Variants in RRAGB observed in about 807,000 individuals in gnomAD.
RRAGB encodes Ras related GTP binding B.
Under a neutral mutation model 29.3 loss-of-function variants are expected in RRAGB, and 6 were observed. That is an observed-to-expected ratio of 0.21 (90% CI 0.11 to 0.40). The LOEUF (loss-of-function observed/expected upper bound fraction) is 0.40, where lower values mean the gene tolerates loss of function less well. Ranked by LOEUF, RRAGB falls within the 10% of genes least tolerant of loss-of-function variation. RRAGB has a pLI of 1.00. For missense variants in RRAGB, 184 were observed against 272.9 expected (o/e 0.67, Z 2.29); for synonymous variants, 101 against 92.5 (o/e 1.09, Z -0.53).
intron 3 of RRAGB, among the ~76,000 whole-genome samples, chrX:55,722,596 CTT>C (rs1412781962): frequency 9.0e-6 from 1 of 111,606 alleles, no homozygotes. Context: ...GTTTTTAACT[CTT>C]ATACAAAGGG....
At position 55,728,827 on chromosome X, in the gene RRAGB, G is replaced by T. The variant is rs141713802; in HGVS notation, c.227-467G>T. 8.6e-3 allele frequency among the ~76,000 whole-genome samples: 937 copies of T among 109,087 alleles called. 12 individuals carry two copies. The highest frequency in any genetic ancestry group is 0.014 in the Non-Finnish European group (702 of 51,358). 94.7% of individuals were successfully genotyped at this position (109,087 alleles called of 115,157 possible). A position where few individuals can be genotyped will look rare whatever the true frequency, so the allele number is the denominator to read the frequency against. On this transcript the variant is annotated intron_variant, in intron 3 of 9. Transcript: ENST00000374941. ...AGCAATGTATTGAATGTGGATAGAG[G>T]AGTCAAAAGTGGGAAAAAGTTAGGG...
In RRAGB at chrX:55,731,428, G is replaced by T. The variant is rs2147085368; in HGVS notation, c.358G>T (p.Val120Phe). 1 of 1,208,966 alleles carries T rather than the reference G, an allele frequency of 8.3e-7. No homozygotes were observed. Among genetic ancestry groups the T allele is most frequent in the South Asian group, 1.8e-5 (1 of 56,651 alleles). The change falls in exon 5 of 10, where the codon GTT becomes TTT. Residue 120 changes from valine to phenylalanine, a missense_variant. Coordinates refer to ENST00000374941, the MANE Select transcript of RRAGB (RefSeq NM_006064.5). ...QRDNIFRNVE[V>F]LIYVFDVESR... ...GGACAACATCTTCCGAAATGTGGAG[G>T]TTCTGATTTATGTCTTTGATGTGGA...
intron 5 of RRAGB, among the ~76,000 whole-genome samples, chrX:55,734,348 G>T (rs2033799000): frequency 9.2e-6 from 1 of 108,878 alleles, no homozygotes; most frequent in Admixed American, 9.8e-5. Flanking sequence ...CCTGATTGAA[G>T]CTTGTGTGGT....
Position 55,727,713 on chromosome X carries a change from G to T in RRAGB, c.227-1581G>T, listed in dbSNP as rs191189298. On this transcript the variant is annotated intron_variant, in intron 3 of 9. Coordinates refer to ENST00000374941, the MANE Select transcript of RRAGB (RefSeq NM_006064.5). ...ATGTAGTTTATAAGAAGATAAAATT[G>T]CACAAAAGTTAGATAGCAGTCAATT... 2.1e-3 allele frequency among the ~76,000 whole-genome samples: 230 copies of T among 111,914 alleles called. 1 individual carries two copies. Among genetic ancestry groups the T allele is most frequent in the Non-Finnish European group, 3.8e-3 (202 of 53,209 alleles).
intron 4 of RRAGB, among the ~76,000 whole-genome samples, chrX:55,730,373 A>C (rs893053068): frequency 6.2e-5 from 7 of 112,396 alleles, no homozygotes; most frequent in Non-Finnish European, 1.3e-4. Flanking sequence ...ATTAGTCCCA[A>C]GTCCCTTGCT....
chrX:55,720,012 G>T (rs2033207456), intron 2 of RRAGB, among the ~76,000 whole-genome samples: 1 of 112,341 alleles, frequency 8.9e-6, no homozygotes, highest in South Asian at 3.7e-4. Context: ...AGAACACTTA[G>T]ATCAGTACCT....
At position 55,731,393 on chromosome X, in the gene RRAGB, C is replaced by G. The variant is rs1214603026; in HGVS notation, c.323C>G (p.Thr108Ser). Residue 108 changes from threonine to serine, a missense_variant, in exon 5 of 10, where the codon ACT (threonine) becomes AGT (serine). Coordinates refer to ENST00000374941, the MANE Select transcript of RRAGB (RefSeq NM_006064.5). ...GACACCTTCATGGAAAATTATTTCA[C>G]TAGCCAACGGGACAACATCTTCCGA... ...GQDTFMENYF[T>S]SQRDNIFRNV... 8.3e-7 allele frequency: 1 copy of G among 1,209,335 alleles called. No homozygotes were observed. Among genetic ancestry groups the G allele is most frequent in the African/African-American group, 1.7e-5 (1 of 57,730 alleles).
In RRAGB at chrX:55,722,648, T is replaced by A. The variant is rs1199708009; in HGVS notation, c.226+363T>A. On this transcript the variant is annotated intron_variant, in intron 3 of 9. Coordinates refer to ENST00000374941, the MANE Select transcript of RRAGB (RefSeq NM_006064.5). ...TAACAAGCATAACAGTAAAATATGC[T>A]AAGATTTTTTAAAGCAGTAGTTACA... 2.7e-5 allele frequency among the ~76,000 whole-genome samples: 3 copies of A among 112,136 alleles called. No individual in the cohort carries two copies. In the East Asian group the frequency reaches 8.4e-4, roughly 31 times the overall value.
At chrX:55,749,574 C>T (rs1209672058) in intron 5 of RRAGB, among the ~76,000 whole-genome samples, 4 of 110,888 alleles carry the variant, frequency 3.6e-5, no homozygotes, top group East Asian at 2.9e-4. Flanking sequence ...ATGACAATGG[C>T]GGTTTTGTGG....
chrX:55,722,115 A>C, intron 2 of RRAGB, 71 bp from the exon 3 acceptor site: 1 of 568,997 alleles, frequency 1.8e-6, no homozygotes, highest in South Asian at 3.3e-5. Context: ...GGAGAGAAAT[A>C]GATCCCTTTA....
At chrX:55,727,362 C>T (rs2033515614) in intron 3 of RRAGB, 2 of 896,798 alleles carry the variant, frequency 2.2e-6, no homozygotes, top group Non-Finnish European at 1.6e-6. Context: ...CCTACTCTCT[C>T]GTAGACTCTG....
At chrX:55,723,576 G>A (rs1301449078) in intron 3 of RRAGB, among the ~76,000 whole-genome samples, 1 of 107,275 alleles carries the variant, frequency 9.3e-6, no homozygotes, top group African/African-American at 3.4e-5. Context: ...TTTCTTTTTG[G>A]AGACGGAGTC....
intron 8 of RRAGB, among the ~76,000 whole-genome samples, chrX:55,756,369 A>G (rs921247977): frequency 2.7e-5 from 3 of 112,183 alleles, no homozygotes; most frequent in African/African-American, 9.7e-5. Context: ...GTTTAATCAC[A>G]TTGTGTCAGC....
intron 5 of RRAGB, among the ~76,000 whole-genome samples, chrX:55,741,731 A>T (rs1391247055): frequency 9.0e-6 from 1 of 111,506 alleles, no homozygotes; most frequent in Non-Finnish European, 1.9e-5. Context: ...ATTAAATAAG[A>T]CTCACTTATA....
At chrX:55,746,992 G>A (rs1444078197) in intron 5 of RRAGB, among the ~76,000 whole-genome samples, 2 of 111,982 alleles carry the variant, frequency 1.8e-5, no homozygotes, top group Non-Finnish European at 3.8e-5. Flanking sequence ...GTAGTTCTTT[G>A]GAGTATAGCA....
At chrX:55,718,552 T>C in intron 1 of RRAGB, 133 bp downstream of exon 1, 1 of 434,625 alleles carries the variant, frequency 2.3e-6, no homozygotes, top group Non-Finnish European at 3.9e-6. Flanking sequence ...TGATTGGGAT[T>C]ATGCTTTGGA....
chrX:55,721,438 A>G (rs181855906), intron 2 of RRAGB, among the ~76,000 whole-genome samples: 109 of 112,292 alleles, frequency 9.7e-4, no homozygotes, highest in African/African-American at 3.5e-3. Context: ...CTGAAGGAAG[A>G]AAAGAGAATG....
At position 55,730,882 on chromosome X, in the gene RRAGB, G is replaced by A. The variant is rs141626218; in HGVS notation, c.294-482G>A. 5.8e-3 allele frequency among the ~76,000 whole-genome samples: 644 copies of A among 110,749 alleles called. 7 individuals carry two copies. Among genetic ancestry groups the A allele is most frequent in the African/African-American group, 0.02 (617 of 30,471 alleles). On this transcript the variant is annotated intron_variant, in intron 4 of 9. Transcript: ENST00000374941. ...GAGCCTATGCTTAGTGGATTGACCT[G>A]TCAGGAGGCCATGGGTAGTTTCTGT... is the stretch of plus-strand genomic sequence containing the variant.
chrX:55,757,279 C>T lies in RRAGB; in HGVS notation c.891C>T (p.Asp297=), dbSNP rs764947787. 4 of 1,191,955 alleles carry T rather than the reference C, an allele frequency of 3.4e-6. No individual in the cohort carries two copies. The African/African-American group carries it at 5.2e-5, about 16-fold the overall frequency. ...VRNSNFAAFI[D]IFTSNTYVMV... Reference sequence around the variant, plus strand: ...ACTCTAACTTCGCTGCTTTCATTGACATCTTTACATCCAACACTTATGTGA... The same window carrying T: ...ACTCTAACTTCGCTGCTTTCATTGATATCTTTACATCCAACACTTATGTGA... The change falls in exon 9 of 10, where the codon GAC becomes GAT. Residue 297 remains aspartate, a synonymous_variant. Transcript: ENST00000374941.
Sources: gnomAD v4.1 joint callset for allele counts (sites outside exome capture counted in the v4.1 genomes callset) on GRCh38, gnomAD v4.1.1 for gene constraint, MANE v1.5 for transcripts, NCBI Gene and HGNC (gene_info 2026-07-23, HGNC 2026-07-21) for gene names.